Variants in TLN2 observed in about 807,000 individuals in gnomAD.
The protein encoded by TLN2 is talin-2.
TLN2 carries 118 observed loss-of-function variants against 294.7 expected under a neutral mutation model. The observed-to-expected ratio is 0.40, with a 90% CI of 0.34 to 0.47. TLN2 has a LOEUF of 0.47. Ranked by LOEUF, TLN2 falls within the 20% of genes least tolerant of loss-of-function variation. The pLI is 0.84. For synonymous variants in TLN2, 1,431 were observed against 1,304.5 expected, an observed-to-expected ratio of 1.10 and a Z score of -2.09; for missense variants, 3,083 against 3,282.2, an observed-to-expected ratio of 0.94 and a Z score of 1.48.
At chr15:62,467,467 T>C (rs905830911) in intron 1 of TLN2, among the ~76,000 whole-genome samples, 2 of 151,960 alleles carry the variant, frequency 1.3e-5, no homozygotes, top group African/African-American at 4.8e-5. Context: ...TCGAGGTGGG[T>C]GGATCACCTG....
chr15:62,796,316 G>C, intron 47 of TLN2, 23 bp downstream of exon 47: 1 of 1,603,124 alleles, frequency 6.2e-7, no homozygotes, highest in Non-Finnish European at 8.5e-7. Flanking sequence ...CCTGGACGGG[G>C]AGAGGTTCAG....
chr15:62,775,523 A>G (rs759232376), intron 42 of TLN2, among the ~76,000 whole-genome samples: 2 of 152,242 alleles, frequency 1.3e-5, no homozygotes, highest in Non-Finnish European at 1.5e-5. Context: ...CATGATCAAC[A>G]TATTTCCCAT....
In TLN2 at chr15:62,796,089, A is replaced by G. The variant is rs370682262; in HGVS notation, c.5884-38A>G. ...TCTGCTTTTAGGTCCTGTTCTCTCC[A>G]TTTCTTAGCTCCCCTCACATTCCCT... On this transcript the variant is annotated intron_variant, in intron 46 of 58. Coordinates refer to ENST00000636159, the MANE Select transcript of TLN2 (RefSeq NM_015059.3). 5.0e-6 allele frequency: 8 copies of G among 1,605,680 alleles called. No individual in the cohort carries two copies. The African/African-American group carries it at 5.4e-5, about 11-fold the overall frequency.
rs1353479847 is a variant in TLN2 at position 62,501,510 on chromosome 15, CA to C, written c.-237-88176del. On this transcript the variant is annotated intron_variant, in intron 1 of 58. Coordinates refer to ENST00000636159, the MANE Select transcript of TLN2 (RefSeq NM_015059.3). ...GCTCTCAGAAAATGAAGCTTGCACT[CA>C]CACTGCCCCGGGAAAACGTTAATTC... Among the ~76,000 whole-genome samples the C allele has an allele frequency of 2.6e-5, 4 of 152,326 alleles. No homozygotes were observed. The East Asian group carries it at 7.7e-4, about 29-fold the overall frequency.
chr15:62,624,922 C>A (rs575234322), intron 3 of TLN2, among the ~76,000 whole-genome samples: 8 of 152,176 alleles, frequency 5.3e-5, no homozygotes, highest in Non-Finnish European at 7.3e-5. Context: ...TGCCTTGGTT[C>A]GCTGGAGCAT....
chr15:62,738,260 T>C lies in TLN2; in HGVS notation c.3614T>C (p.Leu1205Pro). 1 of 1,614,150 alleles carries C rather than the reference T, an allele frequency of 6.2e-7. No homozygotes were observed. The change falls in exon 30 of 59, where the codon CTC becomes CCC. Residue 1205 changes from leucine (L) to proline (P), a missense_variant. Transcript: ENST00000636159. Reference protein sequence around the residue: ...SHSLNNCVNCLPGQKDVDVAL... With the variant: ...SHSLNNCVNCPPGQKDVDVAL... ...TCCTTGAATAACTGCGTAAATTGCCTCCCTGGGCAGAAGGATGTGGACGTG... is the reference window on the plus strand; with the variant it reads ...TCCTTGAATAACTGCGTAAATTGCCCCCCTGGGCAGAAGGATGTGGACGTG...
At chr15:62,715,193 A>G (rs1238443905) in intron 22 of TLN2, among the ~76,000 whole-genome samples, 1 of 152,272 alleles carries the variant, frequency 6.6e-6, no homozygotes, top group Non-Finnish European at 1.5e-5. Context: ...TCCTGTATGC[A>G]TTGCTATAAC....
At chr15:62,595,701 A>G (rs2046441197) in intron 2 of TLN2, among the ~76,000 whole-genome samples, 1 of 152,238 alleles carries the variant, frequency 6.6e-6, no homozygotes, top group South Asian at 2.1e-4. Context: ...AAAATGTGGT[A>G]TACATACACA....
At position 62,805,634 on chromosome 15, in the gene TLN2, C is replaced by T. The variant is rs2066228650; in HGVS notation, c.6512C>T (p.Ser2171Leu). Residue 2171 changes from serine (S) to leucine (L), a missense_variant, in exon 51 of 59, where the codon TCA becomes TTA. By Grantham distance (145) the Ser-to-Leu change is moderately radical. Transcript: ENST00000636159. Reference sequence around the variant, plus strand: ...TCAAAAGACGTACCTGAAAAGACATCATCACCTGAAGAATCCATAAGGATG... The same window carrying T: ...TCAAAAGACGTACCTGAAAAGACATTATCACCTGAAGAATCCATAAGGATG... ...FQSKDVPEKTSSPEESIRMTK... is the reference protein window; with the variant it reads ...FQSKDVPEKTLSPEESIRMTK... 4 of 1,612,880 alleles carry T rather than the reference C, an allele frequency of 2.5e-6. No individual in the cohort carries two copies. The highest frequency in any genetic ancestry group is 2.2e-5 in the East Asian group (1 of 44,866).
chr15:62,703,650 C>CACACAGAG (rs34685862), intron 19 of TLN2, among the ~76,000 whole-genome samples: 1 of 149,806 alleles, frequency 6.7e-6, no homozygotes, highest in African/African-American at 2.5e-5. Flanking sequence ...CACACACACA[C>CACACAGAG]AGAGAAAGAG....
At chr15:62,418,159 T>A (rs1392186107) in intron 1 of TLN2, among the ~76,000 whole-genome samples, 1 of 152,154 alleles carries the variant, frequency 6.6e-6, no homozygotes, top group Non-Finnish European at 1.5e-5. Flanking sequence ...GACCAAATGG[T>A]TCAGTGGATG....
chr15:62,645,978 G>C (rs967862272), intron 3 of TLN2, among the ~76,000 whole-genome samples: 1 of 152,160 alleles, frequency 6.6e-6, no homozygotes. Context: ...TGGGTTAAGT[G>C]AGTAGGGGAC....
chr15:62,670,600 G>A (rs751934572), intron 9 of TLN2, among the ~76,000 whole-genome samples: 10 of 152,088 alleles, frequency 6.6e-5, no homozygotes, highest in Non-Finnish European at 1.2e-4. Flanking sequence ...CTTTGTGACT[G>A]CCTTCTTTCC....
At chr15:62,700,556 GATCTCAACCC>G (rs1212356594) in intron 16 of TLN2, among the ~76,000 whole-genome samples, 2 of 152,048 alleles carry the variant, frequency 1.3e-5, no homozygotes, top group African/African-American at 4.8e-5. Context: ...CCAGAACAGG[GATCTCAACCC>G]ATCCCCTCAT....
At chr15:62,742,022 GGGGTGTGTGTGTGTGTGTGTGTGTGTGT>G (rs1475476705) in intron 32 of TLN2, among the ~76,000 whole-genome samples, 5 of 100,216 alleles carry the variant, frequency 5.0e-5, no homozygotes, top group Admixed American at 2.2e-4. Context: ...GGCTTGTAGT[GGGGTGTGTGTGTGTGTGTGTGTGTGTGT>G]GTGTGTGTGT....
intron 11 of TLN2, among the ~76,000 whole-genome samples, chr15:62,683,210 A>C (rs1360353130): frequency 6.6e-6 from 1 of 152,252 alleles, no homozygotes; most frequent in Non-Finnish European, 1.5e-5. Context: ...CCAGAAGCTC[A>C]GTCCAGTTGC....
intron 1 of TLN2, among the ~76,000 whole-genome samples, chr15:62,395,169 T>C (rs1220479734): frequency 2.0e-5 from 3 of 147,202 alleles, no homozygotes; most frequent in Non-Finnish European, 4.5e-5. Flanking sequence ...GCCCACACAT[T>C]GTGTTCCGAG....
At chr15:62,838,661 C>G (rs2141266886) in intron 57 of TLN2, among the ~76,000 whole-genome samples, 195 bp from the exon 58 acceptor site, 1 of 149,552 alleles carries the variant, frequency 6.7e-6, no homozygotes, top group Middle Eastern at 3.4e-3. Flanking sequence ...CTGTGAGTGA[C>G]CAGGTAGGTT....
At chr15:62,588,705 T>C (rs1400122913) in intron 1 of TLN2, among the ~76,000 whole-genome samples, 1 of 110,722 alleles carries the variant, frequency 9.0e-6, no homozygotes, top group African/African-American at 3.4e-5. Context: ...TATATATATA[T>C]ATGAAATATA....
Sources: allele counts gnomAD v4.1 joint callset (sites outside exome capture counted in the v4.1 genomes callset), GRCh38; gene constraint gnomAD v4.1.1; transcripts MANE v1.5; gene names NCBI Gene and HGNC (gene_info 2026-07-23, HGNC 2026-07-21).